Variants in SYNJ2 observed in about 807,000 individuals in gnomAD.
SYNJ2 encodes polyphosphatidylinositol phosphatase SYNJ2.
SYNJ2 carries 116 observed loss-of-function variants against 141.3 expected under a neutral mutation model. The ratio of observed to expected loss-of-function variants is 0.82; its 90% CI spans 0.71 to 0.96. The LOEUF (loss-of-function observed/expected upper bound fraction) is 0.96. Among genes scored for constraint, SYNJ2 ranks in the 40% least tolerant of loss-of-function variants. SYNJ2 has a pLI of 0.00. For missense variants in SYNJ2, 1,873 were observed against 1,934.8 expected, an observed-to-expected ratio of 0.97 and a Z score of 0.60; for synonymous variants, 745 against 777.7, an observed-to-expected ratio of 0.96 and a Z score of 0.70.
At chr6:157,996,305 C>T (rs1196457587) in intron 1 of SYNJ2, among the ~76,000 whole-genome samples, 2 of 152,144 alleles carry the variant, frequency 1.3e-5, no homozygotes, top group African/African-American at 4.8e-5. Context: ...CCCACCGAGT[C>T]CCCCGGTCAT....
At chr6:158,042,601 C>T (rs1293276270) in intron 4 of SYNJ2, among the ~76,000 whole-genome samples, 5 of 152,256 alleles carry the variant, frequency 3.3e-5, no homozygotes, top group African/African-American at 4.8e-5. Context: ...TGCACTCCAG[C>T]GTCATTGGAG....
intron 5 of SYNJ2, among the ~76,000 whole-genome samples, chr6:158,051,296 C>T (rs575763649): frequency 2.0e-5 from 3 of 152,240 alleles, no homozygotes; most frequent in African/African-American, 7.2e-5. Context: ...CCACACAGAG[C>T]AGGTAGCCCC....
In SYNJ2 at chr6:158,096,228, T is replaced by C; in HGVS notation, c.4355T>C (p.Val1452Ala). The C allele has an allele frequency of 2.5e-6, 4 of 1,614,228 alleles. No individual in the cohort carries two copies. The highest frequency in any genetic ancestry group is 3.4e-6 in the Non-Finnish European group (4 of 1,180,054). ...CCCAAAAGAGATCCCATAGACCCAG[T>C]GTCAGCTGGCGCTTCAGCTGCCAAG... ...RSPKRDPIDP[V>A]SAGASAAKAE... Residue 1452 changes from valine (V) to alanine (A), a missense_variant, in exon 27 of 27, where the codon GTG becomes GCG. Coordinates refer to ENST00000355585, the MANE Select transcript of SYNJ2 (RefSeq NM_003898.4).
chr6:158,030,453 A>G (rs979327939), intron 3 of SYNJ2: 3 of 152,710 alleles, frequency 2.0e-5, no homozygotes, highest in Non-Finnish European at 2.9e-5. Context: ...TGGATTCCCC[A>G]GAAGTGAATT....
At chr6:158,060,639 G>A (rs1357048693) in intron 7 of SYNJ2, among the ~76,000 whole-genome samples, 2 of 152,196 alleles carry the variant, frequency 1.3e-5, no homozygotes, top group African/African-American at 4.8e-5. Flanking sequence ...TATTAGCAAC[G>A]AGCTCCAGAA....
chr6:158,078,579 CGTT>C (rs1297102558), intron 18 of SYNJ2: 9 of 226,218 alleles, frequency 4.0e-5, no homozygotes, highest in African/African-American at 2.1e-4. Flanking sequence ...TAAATGATGT[CGTT>C]GTGCAACTTG....
At chr6:157,989,576 G>A (rs563859360) in intron 1 of SYNJ2, among the ~76,000 whole-genome samples, 44 of 151,888 alleles carry the variant, frequency 2.9e-4, no homozygotes, top group Admixed American at 6.6e-4. Flanking sequence ...GCCCCTTTCT[G>A]AGCAGAGGGT....
chr6:158,059,293 G>T lies in SYNJ2; in HGVS notation c.894G>T (p.Gln298His). ...TTCTGAAGGAGCAGTACGGGCAGCA[G>T]GTGGTCGTGAACCTTCTGGGAAGCA... is the stretch of plus-strand genomic sequence containing the variant. ...MVLLKEQYGQ[Q>H]VVVNLLGSRG... The change falls in exon 7 of 27, where the codon CAG becomes CAT. Residue 298 changes from glutamine to histidine, a missense_variant. Transcript: ENST00000355585. The T allele has an allele frequency of 6.4e-7, 1 of 1,550,726 alleles. No homozygotes were observed. Among genetic ancestry groups the T allele is most frequent in the South Asian group, 1.2e-5 (1 of 84,044 alleles).
intron 1 of SYNJ2, among the ~76,000 whole-genome samples, chr6:157,998,789 T>C (rs1190021767): frequency 6.6e-6 from 1 of 152,112 alleles, no homozygotes; most frequent in African/African-American, 2.4e-5. Context: ...GTAACATACA[T>C]AGAGAAAAAT....
intron 1 of SYNJ2, among the ~76,000 whole-genome samples, chr6:157,989,033 T>C (rs886283143): frequency 3.3e-5 from 5 of 152,206 alleles, no homozygotes; most frequent in African/African-American, 1.2e-4. Flanking sequence ...GAGGAAAATT[T>C]AGACAGGTGA....
chr6:158,046,002 G>C (rs935848439), intron 5 of SYNJ2, among the ~76,000 whole-genome samples: 2 of 152,124 alleles, frequency 1.3e-5, no homozygotes, highest in African/African-American at 2.4e-5. Context: ...GAGTGCAATG[G>C]CACGACCTCG....
intron 1 of SYNJ2, among the ~76,000 whole-genome samples, chr6:157,990,124 C>T (rs9365674): frequency 0.067 from 10,189 of 152,272 alleles, 475 homozygotes; most frequent in East Asian, 0.23. Context: ...AAAGGTGACT[C>T]GGAGCAGCGG....
intron 1 of SYNJ2, among the ~76,000 whole-genome samples, chr6:157,983,822 T>A (rs117324676): frequency 7.3e-5 from 11 of 151,230 alleles, no homozygotes; most frequent in African/African-American, 2.7e-4. Context: ...TAGAAAACTT[T>A]AAAAAAAAAT....
intron 5 of SYNJ2, 83 bp from the exon 6 acceptor site, chr6:158,054,884 G>A (rs975202412): frequency 4.1e-6 from 6 of 1,456,134 alleles, no homozygotes; most frequent in Non-Finnish European, 5.7e-6. Context: ...CTGGCTGGGA[G>A]TAAGAAGGAG....
chr6:158,078,393 C>G, intron 18 of SYNJ2, 112 bp downstream of exon 18: 1 of 687,808 alleles, frequency 1.5e-6, no homozygotes, highest in Non-Finnish European at 2.5e-6. Flanking sequence ...CATGGGGGTG[C>G]ATTTTGTGTG....
intron 5 of SYNJ2, among the ~76,000 whole-genome samples, chr6:158,051,959 G>GAA (rs112721746): frequency 5.2e-5 from 7 of 134,690 alleles, no homozygotes; most frequent in African/African-American, 1.6e-4. Context: ...CTGTCTCAAA[G>GAA]AAAAAAAAAA....
chr6:158,083,950 C>A lies in SYNJ2; in HGVS notation c.3035-51C>A, dbSNP rs566137187. On this transcript the variant is annotated intron_variant, in intron 21 of 26. Transcript: ENST00000355585. Reference sequence around the variant, plus strand: ...CAGTCCCACTGATGGAAGACTGAGCCTTTCCCCCTCATTGTTTTCACCCGA... The same window carrying A: ...CAGTCCCACTGATGGAAGACTGAGCATTTCCCCCTCATTGTTTTCACCCGA... 341 of 1,593,428 alleles carry A rather than the reference C, an allele frequency of 2.1e-4. 1 individual carries two copies. In the South Asian group the frequency reaches 3.5e-3, roughly 17 times the overall value.
chr6:158,005,460 C>G (rs56272361), intron 1 of SYNJ2, among the ~76,000 whole-genome samples: 1 of 152,158 alleles, frequency 6.6e-6, no homozygotes, highest in Non-Finnish European at 1.5e-5. Flanking sequence ...CACACCTTCC[C>G]TCTTTGCCAT....
chr6:157,984,049 T>C (rs996269011), intron 1 of SYNJ2, among the ~76,000 whole-genome samples: 10 of 152,318 alleles, frequency 6.6e-5, no homozygotes, highest in African/African-American at 2.4e-4. Flanking sequence ...TTGCCCATGC[T>C]GTTCTCGAAC....
Sources: allele counts gnomAD v4.1 joint callset (sites outside exome capture counted in the v4.1 genomes callset), GRCh38; gene constraint gnomAD v4.1.1; transcripts MANE v1.5; gene names NCBI Gene and HGNC (gene_info 2026-07-23, HGNC 2026-07-21).